Variants in CHD7 observed in about 807,000 individuals in gnomAD.
CHD7 encodes the protein chromodomain helicase DNA binding protein 7.
A neutral mutation model predicts 307.3 loss-of-function variants in CHD7; 24 were observed. The ratio of observed to expected loss-of-function variants is 0.08; its 90% CI spans 0.06 to 0.11. The LOEUF (loss-of-function observed/expected upper bound fraction) is 0.11, where lower values mean the gene tolerates loss of function less well. Ranked by LOEUF, CHD7 falls within the 10% of genes least tolerant of loss-of-function variation. The pLI, the probability that CHD7 is intolerant of heterozygous loss-of-function variation, is 1.00. For missense variants in CHD7, 3,106 were observed against 3,727.1 expected, an observed-to-expected ratio of 0.83 and a Z score of 4.34; for synonymous variants, 1,363 against 1,349.9, an observed-to-expected ratio of 1.01 and a Z score of -0.21.
chr8:60,760,790 T>G (rs1810153832), intron 2 of CHD7, among the ~76,000 whole-genome samples: 1 of 151,422 alleles, frequency 6.6e-6, no homozygotes, highest in South Asian at 2.1e-4. Context: ...AAAACCACAA[T>G]GAGATACCAT....
chr8:60,841,407 G>T (rs1207556764), intron 19 of CHD7, among the ~76,000 whole-genome samples: 1 of 152,156 alleles, frequency 6.6e-6, no homozygotes, highest in Non-Finnish European at 1.5e-5. Flanking sequence ...CACTTGCACT[G>T]GTCTATACAC....
intron 4 of CHD7, among the ~76,000 whole-genome samples, chr8:60,798,893 C>G (rs1487336335): frequency 6.6e-6 from 1 of 152,134 alleles, no homozygotes; most frequent in Non-Finnish European, 1.5e-5. Context: ...AAAATGAATT[C>G]TTTGACAAAA....
Position 60,865,523 on chromosome 8 carries a change from G to C in CHD7, c.8584G>C (p.Asp2862His). The C allele has an allele frequency of 6.2e-7, 1 of 1,614,070 alleles. No homozygotes were observed. Among genetic ancestry groups the C allele is most frequent in the Non-Finnish European group, 8.5e-7 (1 of 1,179,916 alleles). Reference protein sequence around the residue: ...DENKDSEKSTDAVSAADSANG... With the variant: ...DENKDSEKSTHAVSAADSANG... ...GAACAAAGACTCTGAGAAAAGCACAGATGCTGTTTCGGCTGCTGACTCTGC... is the reference window on the plus strand; with the variant it reads ...GAACAAAGACTCTGAGAAAAGCACACATGCTGTTTCGGCTGCTGACTCTGC... Residue 2862 changes from aspartate to histidine, a missense_variant, in exon 38 of 38, where the codon GAT (aspartate) becomes CAT (histidine). Physicochemically the swap from Asp to His is moderately conservative, Grantham distance 81 (BLOSUM62 -1). This residue lies in a region of CHD7 where 351 missense variants were observed against 366.2 expected (regional missense o/e 0.96). Transcript: ENST00000423902. This position sits in a 1 kb window ranked among gnomAD's most constrained non-coding sequence, Gnocchi z 4.3.
At chr8:60,829,949 A>G (rs545232979) in intron 14 of CHD7, among the ~76,000 whole-genome samples, 227 of 152,302 alleles carry the variant, frequency 1.5e-3, no homozygotes, top group Non-Finnish European at 2.5e-3. Context: ...CTCTCCCTAG[A>G]AAGGAAGAGA....
intron 9 of CHD7, 131 bp from the exon 10 acceptor site, chr8:60,821,659 C>CAT (rs952772479): frequency 1.6e-6 from 1 of 629,608 alleles, no homozygotes; most frequent in African/African-American, 1.9e-5. Flanking sequence ...TATACACATA[C>CAT]ATATATATGT....
intron 21 of CHD7, 138 bp downstream of exon 21, chr8:60,842,190 C>A: frequency 1.4e-6 from 1 of 708,050 alleles, no homozygotes; most frequent in Non-Finnish European, 2.3e-6. Flanking sequence ...TCTGCAGTAA[C>A]TTTACAGGGC....
rs775776506 is a variant in CHD7, at chr8:60,844,908, G to A, written c.4895G>A (p.Arg1632His). 5.6e-6 allele frequency: 9 copies of A among 1,612,100 alleles called. No homozygotes were observed. The highest frequency in any genetic ancestry group is 2.2e-5 in the South Asian group (2 of 90,858). ...TDILSHGRYK[R>H]QLTEQDVETI... ...ATTCTTTCCCACGGACGCTATAAAC[G>A]CCAACTCACTGAGCAAGATGTAGAA... The change falls in exon 22 of 38, where the codon CGC (arginine) becomes CAC (histidine). Residue 1632 changes from arginine (R) to histidine (H), a missense_variant. Arg to His is a conservative substitution (Grantham distance 29, BLOSUM62 0). Coordinates refer to ENST00000423902, the MANE Select transcript of CHD7 (RefSeq NM_017780.4).
chr8:60,732,107 C>T (rs1318710818), intron 1 of CHD7, among the ~76,000 whole-genome samples: 5 of 152,108 alleles, frequency 3.3e-5, no homozygotes, highest in Non-Finnish European at 1.5e-5. Flanking sequence ...TTGTTTTTTT[C>T]CCTTTAAGGA....
intron 6 of CHD7, 82 bp from the exon 7 acceptor site, chr8:60,808,135 C>A: frequency 1.1e-6 from 1 of 929,058 alleles, no homozygotes; most frequent in Non-Finnish European, 1.7e-6. Context: ...CTATTTTGTG[C>A]TCATATGGGA....
At chr8:60,778,650 A>C (rs1197487495) in intron 2 of CHD7, among the ~76,000 whole-genome samples, 6 of 152,240 alleles carry the variant, frequency 3.9e-5, no homozygotes, top group Non-Finnish European at 8.8e-5. Context: ...ATCATTGTTT[A>C]GACTTTCCTC....
At chr8:60,769,358 A>G (rs959608509) in intron 2 of CHD7, among the ~76,000 whole-genome samples, 1 of 152,246 alleles carries the variant, frequency 6.6e-6, no homozygotes, top group African/African-American at 2.4e-5. Context: ...TGACTCAGCC[A>G]TCGAGCTACT....
intron 3 of CHD7, among the ~76,000 whole-genome samples, chr8:60,791,242 A>G (rs1392686126): frequency 3.9e-5 from 6 of 152,196 alleles, no homozygotes; most frequent in Non-Finnish European, 7.3e-5. Flanking sequence ...ATGAGGGCAG[A>G]CATGATTTCT....
At chr8:60,848,723 A>G (rs760262565) in intron 24 of CHD7, 119 bp downstream of exon 24, 6 of 785,386 alleles carry the variant, frequency 7.6e-6, no homozygotes, top group African/African-American at 1.7e-5. Context: ...CCTTTTTTGC[A>G]TCTTGAATGC....
chr8:60,813,124 T>C (rs1812888454), intron 7 of CHD7, among the ~76,000 whole-genome samples: 1 of 152,220 alleles, frequency 6.6e-6, no homozygotes, highest in South Asian at 2.1e-4. Flanking sequence ...TACACATTTT[T>C]AATTAAATTT....
At chr8:60,681,145 A>G (rs1300297105) in intron 1 of CHD7, among the ~76,000 whole-genome samples, 1 of 152,190 alleles carries the variant, frequency 6.6e-6, no homozygotes, top group Non-Finnish European at 1.5e-5. Context: ...GACGATGACA[A>G]AAAATATCTT....
At chr8:60,786,938 G>T (rs1444157087) in intron 3 of CHD7, among the ~76,000 whole-genome samples, 1 of 152,164 alleles carries the variant, frequency 6.6e-6, no homozygotes, top group East Asian at 1.9e-4. Flanking sequence ...CATCTGAAAT[G>T]CCAGCCCTCA....
intron 2 of CHD7, among the ~76,000 whole-genome samples, chr8:60,761,229 A>G (rs539969845): frequency 4.6e-5 from 7 of 150,918 alleles, no homozygotes; most frequent in African/African-American, 1.7e-4. Context: ...ATTCTCAGTA[A>G]ACTATCGCAA....
In CHD7 at chr8:60,836,860, C is replaced by T. The variant is rs1563644113; in HGVS notation, c.4033C>T (p.Arg1345Cys). Reference protein sequence around the residue: ...RIDGRVRGNLRQAAIDRFSKP... With the variant: ...RIDGRVRGNLCQAAIDRFSKP... ...CGACGGCCGAGTAAGAGGCAACCTC[C>T]GCCAGGCAGCTATCGACAGATTCTC... The change falls in exon 17 of 38, where the codon CGC becomes TGC. Residue 1345 changes from arginine to cysteine, a missense_variant. Physicochemically the swap from Arg to Cys is radical, Grantham distance 180. Coordinates refer to ENST00000423902, the MANE Select transcript of CHD7 (RefSeq NM_017780.4). 3 of 1,613,784 alleles carry T rather than the reference C, an allele frequency of 1.9e-6. No homozygotes were observed. Among genetic ancestry groups the T allele is most frequent in the Non-Finnish European group, 8.5e-7 (1 of 1,179,796 alleles).
chr8:60,806,032 T>C (rs1812521665), intron 6 of CHD7, among the ~76,000 whole-genome samples: 1 of 152,232 alleles, frequency 6.6e-6, no homozygotes, highest in African/African-American at 2.4e-5. Flanking sequence ...TTTTTGTCTT[T>C]CTGCTGGAAG....
Sources: gnomAD v4.1 joint callset for allele counts (sites outside exome capture counted in the v4.1 genomes callset) on GRCh38, gnomAD v4.1.1 for gene constraint, gnomAD v4.1.1 regional missense constraint, Gnocchi (gnomAD v3.1) non-coding constraint, MANE v1.5 for transcripts, NCBI Gene and HGNC (gene_info 2026-07-23, HGNC 2026-07-21) for gene names.